Variants in KCNB2 observed in about 807,000 individuals in gnomAD.
KCNB2 encodes the protein potassium voltage-gated channel subfamily B member 2.
A neutral mutation model predicts 61.5 loss-of-function variants in KCNB2; 15 were observed. The ratio of observed to expected loss-of-function variants is 0.24; its 90% CI spans 0.16 to 0.38. The LOEUF (loss-of-function observed/expected upper bound fraction) is 0.38, where lower values mean the gene tolerates loss of function less well. Ranked by LOEUF, KCNB2 falls within the 10% of genes least tolerant of loss-of-function variation. KCNB2 has a pLI of 1.00. For missense variants in KCNB2, 828 were observed against 1,125.2 expected, an observed-to-expected ratio of 0.74 and a Z score of 3.78; for synonymous variants, 457 against 446.0, an observed-to-expected ratio of 1.02 and a Z score of -0.31.
rs146553471 is a variant in KCNB2, at chr8:72,803,979, G to A, written c.580-131956G>A. Among the ~76,000 whole-genome samples the A allele has an allele frequency of 9.8e-4, 149 of 152,294 alleles. 2 individuals carry two copies. The highest frequency in any genetic ancestry group is 3.3e-3 in the African/African-American group (137 of 41,552). On this transcript the variant is annotated intron_variant, in intron 2 of 2. Coordinates refer to ENST00000523207, the MANE Select transcript of KCNB2 (RefSeq NM_004770.3). ...GGGTAGCAGAAAGTGGTGTGTTCCA[G>A]AAAAGAAAGTGGTTCAGCATGCCAG...
chr8:72,637,271 T>C (rs1238885062), intron 2 of KCNB2, among the ~76,000 whole-genome samples: 1 of 152,174 alleles, frequency 6.6e-6, no homozygotes, highest in East Asian at 1.9e-4. Flanking sequence ...ACAGTTCTAC[T>C]CTTAAAAAAC....
intron 2 of KCNB2, among the ~76,000 whole-genome samples, chr8:72,718,050 A>G (rs1201903993): frequency 6.6e-6 from 1 of 151,998 alleles, no homozygotes; most frequent in Non-Finnish European, 1.5e-5. Flanking sequence ...GCAGCCAAAA[A>G]ACACATGAAA....
At chr8:72,576,251 C>T (rs1489226786) in intron 2 of KCNB2, among the ~76,000 whole-genome samples, 1 of 152,096 alleles carries the variant, frequency 6.6e-6, no homozygotes, top group Non-Finnish European at 1.5e-5. Flanking sequence ...TCTGTAATGC[C>T]CTGAGGCATA....
Position 72,537,522 on chromosome 8 carries a change from T to C in KCNB2, c.-457T>C, listed in dbSNP as rs537057938. Reference sequence around the variant, plus strand: ...CCTCTTCTGTTCCAGCCCTCTCTTGTCTGGGTGGCTGTGGCGGCGGCAGGG... The same window carrying C: ...CCTCTTCTGTTCCAGCCCTCTCTTGCCTGGGTGGCTGTGGCGGCGGCAGGG... On this transcript the variant is annotated 5_prime_UTR_variant, in exon 1 of 3. Transcript: ENST00000523207. 3.9e-5 allele frequency: 6 copies of C among 152,692 alleles called. No homozygotes were observed. The highest frequency in any genetic ancestry group is 1.4e-4 in the African/African-American group (6 of 41,578). 9.5% of individuals were successfully genotyped at this position (152,692 alleles called of 1,614,324 possible).
At chr8:72,612,101 A>C (rs568523707) in intron 2 of KCNB2, among the ~76,000 whole-genome samples, 4 of 152,184 alleles carry the variant, frequency 2.6e-5, no homozygotes, top group Non-Finnish European at 5.9e-5. Context: ...TATCCCATGC[A>C]ATCATTATAA....
chr8:72,854,918 G>T (rs1423675081), intron 2 of KCNB2, among the ~76,000 whole-genome samples: 3 of 152,130 alleles, frequency 2.0e-5, no homozygotes, highest in Non-Finnish European at 4.4e-5. Flanking sequence ...AAAAGGGAAG[G>T]TCCCTAGCTA....
chr8:72,737,916 C>A (rs1325663375), intron 2 of KCNB2, among the ~76,000 whole-genome samples: 1 of 152,134 alleles, frequency 6.6e-6, no homozygotes, highest in East Asian at 1.9e-4. Context: ...AAAAAAATAT[C>A]CAAATGAGAT....
rs144244470 is a variant in KCNB2, at chr8:72,702,247, G to A, written c.579+133934G>A. Among the ~76,000 whole-genome samples, 328 of 152,074 alleles carry A rather than the reference G, an allele frequency of 2.2e-3. 3 individuals are homozygous for A. The highest frequency in any genetic ancestry group is 7.3e-3 in the African/African-American group (303 of 41,494). On this transcript the variant is annotated intron_variant, in intron 2 of 2. Transcript: ENST00000523207. The stretch of plus-strand genomic sequence containing the variant: ...CTCCTTTTTGAGGTTGGAGGAACTC[G>A]CTCAGCATTGCTCTCATTTCCAGCG...
In KCNB2 at chr8:72,640,095, TGATAAAGA is replaced by T. The variant is rs780987866; in HGVS notation, c.579+71784_579+71791del. Among the ~76,000 whole-genome samples, 338 of 152,064 alleles carry T rather than the reference TGATAAAGA, an allele frequency of 2.2e-3. 2 individuals carry two copies. Among genetic ancestry groups the T allele is most frequent in the Non-Finnish European group, 3.8e-3 (257 of 67,960 alleles). On this transcript the variant is annotated intron_variant, in intron 2 of 2. Transcript: ENST00000523207. ...GATGGTATGGGGTGGCCCTGATTTG[TGATAAAGA>T]GGCTTTTTGGCCTTGTTAGGCAAGA... is the stretch of plus-strand genomic sequence containing the variant.
At chr8:72,751,821 T>A (rs1417339205) in intron 2 of KCNB2, 2 of 152,162 alleles carry the variant, frequency 1.3e-5, no homozygotes, top group African/African-American at 4.8e-5. Context: ...TGAACACATA[T>A]ACACATATGC....
intron 2 of KCNB2, among the ~76,000 whole-genome samples, chr8:72,725,062 C>A (rs1177098267): frequency 6.6e-6 from 1 of 151,930 alleles, no homozygotes; most frequent in Non-Finnish European, 1.5e-5. Flanking sequence ...ATCAATCACT[C>A]CCCTTCTCCA....
intron 2 of KCNB2, among the ~76,000 whole-genome samples, chr8:72,905,888 T>G (rs1806168334): frequency 1.3e-5 from 2 of 152,094 alleles, no homozygotes; most frequent in Admixed American, 1.3e-4. Context: ...ATGTTTGGGA[T>G]GTAGATCAAG....
At chr8:72,582,536 T>C (rs1806920418) in intron 2 of KCNB2, among the ~76,000 whole-genome samples, 1 of 152,216 alleles carries the variant, frequency 6.6e-6, no homozygotes, top group South Asian at 2.1e-4. Flanking sequence ...AGTCCAGAGT[T>C]TGAATCAAGA....
chr8:72,612,756 G>A, intron 2 of KCNB2, among the ~76,000 whole-genome samples: 1 of 152,104 alleles, frequency 6.6e-6, no homozygotes, highest in Admixed American at 6.6e-5. Flanking sequence ...TTTTTCCTGA[G>A]GCAAGTATGA....
At chr8:72,602,924 C>T (rs1197572522) in intron 2 of KCNB2, among the ~76,000 whole-genome samples, 2 of 151,158 alleles carry the variant, frequency 1.3e-5, no homozygotes, top group Non-Finnish European at 2.9e-5. Context: ...ATGAATTAGT[C>T]AACTTAGTTT....
chr8:72,840,736 C>T (rs1031178853), intron 2 of KCNB2, among the ~76,000 whole-genome samples: 8 of 152,208 alleles, frequency 5.3e-5, no homozygotes, highest in African/African-American at 9.6e-5. Flanking sequence ...ATATCCTTTG[C>T]GCACTTTTTG....
intron 2 of KCNB2, among the ~76,000 whole-genome samples, chr8:72,929,650 G>C (rs1431428013): frequency 6.6e-6 from 1 of 152,150 alleles, no homozygotes; most frequent in East Asian, 1.9e-4. Context: ...AAATGTTTTA[G>C]TTTAGACAGA....
At chr8:72,925,818 A>T (rs2129008596) in intron 2 of KCNB2, among the ~76,000 whole-genome samples, 1 of 152,366 alleles carries the variant, frequency 6.6e-6, no homozygotes, top group East Asian at 1.9e-4. Context: ...CACTATTCAC[A>T]GTAGCAAAGA....
chr8:72,679,894 G>C (rs1438136555), intron 2 of KCNB2, among the ~76,000 whole-genome samples: 1 of 152,164 alleles, frequency 6.6e-6, no homozygotes, highest in Non-Finnish European at 1.5e-5. Flanking sequence ...GCTGCTCTTG[G>C]CAGCTGATAA....
Sources: allele counts gnomAD v4.1 joint callset (sites outside exome capture counted in the v4.1 genomes callset), GRCh38; gene constraint gnomAD v4.1.1; transcripts MANE v1.5; gene names NCBI Gene and HGNC (gene_info 2026-07-23, HGNC 2026-07-21).